CFD: variants seen among roughly 807,000 people sequenced by gnomAD.
The protein encoded by CFD is C3 convertase activator.
Under a neutral mutation model 21.1 loss-of-function variants are expected in CFD, and 24 were observed. The ratio of observed to expected loss-of-function variants is 1.14; its 90% CI spans 0.82 to 1.60. CFD has a LOEUF of 1.60. CFD is among the 40% of genes most tolerant of loss of function. CFD has a pLI of 0.00. For synonymous variants in CFD, 242 were observed against 175.9 expected, an observed-to-expected ratio of 1.38 and a Z score of -2.97; for missense variants, 535 against 383.3, an observed-to-expected ratio of 1.40 and a Z score of -3.31.
intron 3 of CFD, 94 bp from the exon 4 acceptor site, chr19:861,605 C>G: frequency 1.4e-6 from 2 of 1,457,948 alleles, no homozygotes; most frequent in Non-Finnish European, 1.8e-6. Flanking sequence ...TGCCCTGATG[C>G]CCACCTCCCC....
Position 863,457 on chromosome 19 carries a change from G to A in CFD, c.*219G>A, listed in dbSNP as rs1335654269. 4 of 610,866 alleles carry A rather than the reference G, an allele frequency of 6.5e-6. No homozygotes were observed. Among genetic ancestry groups the A allele is most frequent in the Non-Finnish European group, 1.2e-5 (4 of 341,942 alleles). The allele number at this position is 610,866 out of a possible 1,614,324, so 37.8% of individuals were successfully genotyped here. The stretch of plus-strand genomic sequence containing the variant: ...AAATAAAAAATTAGCTGGGCAATTG[G>A]CGGGCATGGAGGTGGGTGCTTGTAG... On this transcript the variant is annotated 3_prime_UTR_variant, in exon 5 of 5. Coordinates refer to ENST00000327726, the MANE Select transcript of CFD (RefSeq NM_001928.4).
rs749986577 is a variant in CFD, at chr19:861,894, C to T, written c.553C>T (p.His185Tyr). The T allele has an allele frequency of 4.9e-5, 78 of 1,582,790 alleles. 2 individuals carry two copies. In the Middle Eastern group the frequency reaches 1.3e-3, roughly 27 times the overall value. Residue 185 changes from histidine to tyrosine, a missense_variant, in exon 4 of 5, where the codon CAC (histidine) becomes TAC (tyrosine). Physicochemically the swap from His to Tyr is moderately conservative, Grantham distance 83. Transcript: ENST00000327726. ...CGCCACCTGCAACCGGCGCACGCACCACGACGGCGCCATCACCGAGCGCTT... is the reference window on the plus strand; with the variant it reads ...CGCCACCTGCAACCGGCGCACGCACTACGACGGCGCCATCACCGAGCGCTT... ...DRATCNRRTH[H>Y]DGAITERLMC... is the part of the protein sequence containing the mutation.
In CFD at chr19:863,533, C is replaced by A. The variant is rs1033652765; in HGVS notation, c.*295C>A. 1 of 469,284 alleles carries A rather than the reference C, an allele frequency of 2.1e-6. No individual in the cohort carries two copies. 29.1% of individuals were successfully genotyped at this position (469,284 alleles called of 1,614,324 possible). A position where few individuals can be genotyped will look rare whatever the true frequency, so the allele number is the denominator to read the frequency against. ...GGGAGGATGACTTGAACGCAGGAGG[C>A]TGAGGCTGCAGTGAGTTGTGATTGC... On this transcript the variant is annotated 3_prime_UTR_variant, in exon 5 of 5. Transcript: ENST00000327726.
At chr19:862,879 C>T (rs1352142820) in intron 4 of CFD, among the ~76,000 whole-genome samples, 1 of 149,534 alleles carries the variant, frequency 6.7e-6, no homozygotes, top group East Asian at 2.0e-4. Flanking sequence ...GGGGGTGTGG[C>T]CAGGAGCTGG....
chr19:859,761 C>G lies in CFD; in HGVS notation c.55+17C>G. 6.4e-7 allele frequency: 1 copy of G among 1,558,364 alleles called. No individual in the cohort carries two copies. The highest frequency in any genetic ancestry group is 8.7e-7 in the Non-Finnish European group (1 of 1,149,306). ...CCGCCTGCGGTGAGGAGGCCTGGGC[C>G]TGGGGTGAGGGACAGGGCTGTGTAG... On this transcript the variant is annotated intron_variant, in intron 1 of 4. Transcript: ENST00000327726.
At chr19:863,056 C>A in intron 4 of CFD, 36 bp from the exon 5 acceptor site, 1 of 1,483,736 alleles carries the variant, frequency 6.7e-7, no homozygotes, top group Non-Finnish European at 9.0e-7. Context: ...GGGGTGGGCG[C>A]GGGCCGCCCC....
In CFD at chr19:863,115, G is replaced by C; in HGVS notation, c.639G>C (p.Val213=). The C allele has an allele frequency of 6.5e-7, 1 of 1,529,906 alleles. No homozygotes were observed. The highest frequency in any genetic ancestry group is 8.8e-7 in the Non-Finnish European group (1 of 1,141,884). 94.8% of individuals were successfully genotyped at this position (1,529,906 alleles called of 1,614,324 possible). A position where few individuals can be genotyped will look rare whatever the true frequency, so the allele number is the denominator to read the frequency against. ...AGGGTGACTCCGGGGGCCCGCTGGT[G>C]TGCGGGGGCGTGCTCGAGGGCGTGG... The part of the protein sequence containing the change: ...SCKGDSGGPL[V]CGGVLEGVVT... Residue 213 remains valine, a synonymous_variant, in exon 5 of 5, where the codon GTG becomes GTC. Transcript: ENST00000327726.
chr19:861,552 G>C (rs925107813), intron 3 of CFD, 147 bp from the exon 4 acceptor site: 3 of 803,924 alleles, frequency 3.7e-6, no homozygotes, highest in Non-Finnish European at 5.5e-6. Context: ...CCCCACCCAG[G>C]GTCTAGCCTA....
At chr19:860,375 C>T (rs1387257757) in intron 1 of CFD, among the ~76,000 whole-genome samples, 2 of 151,334 alleles carry the variant, frequency 1.3e-5, no homozygotes, top group Non-Finnish European at 2.9e-5. Flanking sequence ...AAAGTAGAGA[C>T]GGGGTTTCAC....
chr19:861,325 C>A, intron 3 of CFD, among the ~76,000 whole-genome samples: 1 of 48,492 alleles, frequency 2.1e-5, no homozygotes, highest in East Asian at 4.1e-4. Context: ...CCCCCCCACC[C>A]CCTGCACCCT....
Position 860,793 on chromosome 19 carries a change from G to A in CFD, c.212+20G>A, listed in dbSNP as rs2035777907. Reference sequence around the variant, plus strand: ...GGACGCGTGAGTGCCCGCGCCGCGCGGGGGAAGAGCCCGGGTGCGGTGGGG... The same window carrying A: ...GGACGCGTGAGTGCCCGCGCCGCGCAGGGGAAGAGCCCGGGTGCGGTGGGG... On this transcript the variant is annotated intron_variant, in intron 2 of 4. Coordinates refer to ENST00000327726, the MANE Select transcript of CFD (RefSeq NM_001928.4). 6.4e-7 allele frequency: 1 copy of A among 1,559,776 alleles called. No individual in the cohort carries two copies. The highest frequency in any genetic ancestry group is 8.6e-7 in the Non-Finnish European group (1 of 1,160,990).
At chr19:859,767 T>C in intron 1 of CFD, 23 bp downstream of exon 1, 1 of 1,547,194 alleles carries the variant, frequency 6.5e-7, no homozygotes, top group South Asian at 1.2e-5. Flanking sequence ...GGGCCTGGGG[T>C]GAGGGACAGG....
At position 860,862 on chromosome 19, in the gene CFD, G is replaced by C. The variant is rs770984609; in HGVS notation, c.214G>C (p.Ala72Pro). The change falls in exon 3 of 5, where the codon GCC (alanine) becomes CCC (proline). Residue 72 changes from alanine (A) to proline (P), a missense_variant and splice_region_variant. Physicochemically the swap from Ala to Pro is conservative, Grantham distance 27 (BLOSUM62 -1). Transcript: ENST00000327726. ...CCGCGGACTCCGTCCGGTCCCCAGG[G>C]CCGACGGGAAGGTGCAGGTTCTCCT... is the stretch of plus-strand genomic sequence containing the variant. Reference protein sequence around the residue: ...LSAAHCLEDAADGKVQVLLGA... With the variant: ...LSAAHCLEDAPDGKVQVLLGA... The C allele has an allele frequency of 2.5e-6, 4 of 1,570,428 alleles. No homozygotes were observed. Among genetic ancestry groups the C allele is most frequent in the Non-Finnish European group, 3.4e-6 (4 of 1,164,486 alleles).
rs150557105 is a variant in CFD at position 861,947 on chromosome 19, C to G, written c.606C>G (p.Asp202Glu). ...TGTGCGCGGAGAGCAATCGCCGGGA[C>G]AGCTGCAAGGTGAGCCTTCAGGCCT... is the stretch of plus-strand genomic sequence containing the variant. Reference protein sequence around the residue: ...RLMCAESNRRDSCKGDSGGPL... With the variant: ...RLMCAESNRRESCKGDSGGPL... Residue 202 changes from aspartate (D) to glutamate (E), a missense_variant, in exon 4 of 5, where the codon GAC becomes GAG. Coordinates refer to ENST00000327726, the MANE Select transcript of CFD (RefSeq NM_001928.4). 1 of 1,548,870 alleles carries G rather than the reference C, an allele frequency of 6.5e-7. No individual in the cohort carries two copies. Among genetic ancestry groups the G allele is most frequent in the Non-Finnish European group, 8.7e-7 (1 of 1,154,338 alleles).
At position 863,338 on chromosome 19, in the gene CFD, A is replaced by G; in HGVS notation, c.*100A>G. On this transcript the variant is annotated 3_prime_UTR_variant, in exon 5 of 5. Coordinates refer to ENST00000327726, the MANE Select transcript of CFD (RefSeq NM_001928.4). Reference sequence around the variant, plus strand: ...GGTTGGTCTTTATTGAGCACCTACTATATGCAGAAGGGGAGGCCGAGGTGG... The same window carrying G: ...GGTTGGTCTTTATTGAGCACCTACTGTATGCAGAAGGGGAGGCCGAGGTGG... The G allele has an allele frequency of 1.4e-6, 2 of 1,415,816 alleles. No homozygotes were observed. The highest frequency in any genetic ancestry group is 1.9e-6 in the Non-Finnish European group (2 of 1,038,406). 87.7% of individuals were successfully genotyped at this position (1,415,816 alleles called of 1,614,324 possible).
At chr19:861,553 G>A in intron 3 of CFD, 146 bp from the exon 4 acceptor site, 1 of 904,676 alleles carries the variant, frequency 1.1e-6, no homozygotes, top group Non-Finnish European at 1.6e-6. Context: ...CCCACCCAGG[G>A]TCTAGCCTAA....
chr19:860,491 C>T (rs1471323757), intron 1 of CFD, 126 bp from the exon 2 acceptor site: 5 of 878,744 alleles, frequency 5.7e-6, no homozygotes, highest in Non-Finnish European at 4.5e-6. Flanking sequence ...CAGGCGTGAG[C>T]CACCGCGCCC....
rs2035838039 is a variant in CFD at position 863,300 on chromosome 19, C to T, written c.*62C>T. 2.6e-6 allele frequency: 4 copies of T among 1,529,758 alleles called. No homozygotes were observed. The South Asian group carries it at 4.8e-5, about 18-fold the overall frequency. The allele number at this position is 1,529,758 out of a possible 1,614,324, so 94.8% of individuals were successfully genotyped here. ...CAAAGTCCCGAGCAATGAAGTCATC[C>T]ACTCCTGCATCTGGTTGGTCTTTAT... is the stretch of plus-strand genomic sequence containing the variant. On this transcript the variant is annotated 3_prime_UTR_variant, in exon 5 of 5. Transcript: ENST00000327726.
chr19:863,075 C>T lies in CFD; in HGVS notation c.616-17C>T. ...TGGGCGCGGGCCGCCCCTCACGGCC[C>T]CGTCCTGTTCCGGCAGGGTGACTCC... is the stretch of plus-strand genomic sequence containing the variant. On this transcript the variant is annotated splice_polypyrimidine_tract_variant and intron_variant, in intron 4 of 4. Transcript: ENST00000327726. 2 of 1,514,028 alleles carry T rather than the reference C, an allele frequency of 1.3e-6. No individual in the cohort carries two copies. Among genetic ancestry groups the T allele is most frequent in the Non-Finnish European group, 8.8e-7 (1 of 1,131,082 alleles). The allele number at this position is 1,514,028 out of a possible 1,614,324, so 93.8% of individuals were successfully genotyped here.
Sources: gnomAD v4.1 joint callset for allele counts (sites outside exome capture counted in the v4.1 genomes callset) on GRCh38, gnomAD v4.1.1 for gene constraint, MANE v1.5 for transcripts, NCBI Gene and HGNC (gene_info 2026-07-23, HGNC 2026-07-21) for gene names.